The following PCSK5 variants were observed in gnomAD, a reference collection of about 807,000 sequenced individuals.
PCSK5 encodes prohormone convertase 5.
A neutral mutation model predicts 233.2 loss-of-function variants in PCSK5; 129 were observed. That is an observed-to-expected ratio of 0.55 (90% CI 0.48 to 0.64). The LOEUF is 0.64. Among genes scored for constraint, PCSK5 ranks in the 30% least tolerant of loss-of-function variants. PCSK5 has a pLI of 0.00. For synonymous variants in PCSK5, 825 were observed against 879.2 expected, an observed-to-expected ratio of 0.94 and a Z score of 1.09; for missense variants, 2,076 against 2,430.1, an observed-to-expected ratio of 0.85 and a Z score of 3.06.
chr9:75,969,195 G>C (rs976172008), intron 2 of PCSK5, among the ~76,000 whole-genome samples: 1 of 152,202 alleles, frequency 6.6e-6, no homozygotes, highest in Admixed American at 6.5e-5. Flanking sequence ...AAGTGATCTG[G>C]ATGCCAGTTC....
Position 76,296,942 on chromosome 9 carries a change from T to G in PCSK5, c.3523+77T>G, listed in dbSNP as rs1432828709. On this transcript the variant is annotated intron_variant, in intron 27 of 37. Transcript: ENST00000674117. ...TCCCTCCTTCTATAACTCTGGTTTT[T>G]TTAGTTATCCAGGAGAGAAAGGCTG... 18 of 941,610 alleles carry G rather than the reference T, an allele frequency of 1.9e-5. No homozygotes were observed. The Admixed American group carries it at 3.7e-4, about 19-fold the overall frequency. The allele number at this position is 941,610 out of a possible 1,614,324, so 58.3% of individuals were successfully genotyped here.
chr9:76,340,344 C>A (rs956431653), intron 35 of PCSK5, among the ~76,000 whole-genome samples: 2 of 151,998 alleles, frequency 1.3e-5, no homozygotes, highest in Non-Finnish European at 2.9e-5. Flanking sequence ...AAAAAATGTT[C>A]AGCTATAAGA....
At chr9:76,137,196 T>C (rs1175489282) in intron 10 of PCSK5, among the ~76,000 whole-genome samples, 1 of 152,126 alleles carries the variant, frequency 6.6e-6, no homozygotes, top group Non-Finnish European at 1.5e-5. Context: ...GAAGTTGGCC[T>C]TGAACAACTA....
chr9:76,020,716 C>T (rs530935612), intron 3 of PCSK5, among the ~76,000 whole-genome samples: 16 of 152,316 alleles, frequency 1.1e-4, no homozygotes, highest in Admixed American at 7.2e-4. Context: ...ACTTTTAACA[C>T]GCATGTTTTC....
intron 3 of PCSK5, among the ~76,000 whole-genome samples, chr9:75,992,648 T>C (rs140640459): frequency 6.6e-6 from 1 of 152,206 alleles, no homozygotes; most frequent in Non-Finnish European, 1.5e-5. Flanking sequence ...TCAGAAGTGT[T>C]TCTATTTGAC....
intron 12 of PCSK5, among the ~76,000 whole-genome samples, chr9:76,159,642 T>A (rs1404195519): frequency 6.6e-6 from 1 of 152,156 alleles, no homozygotes; most frequent in East Asian, 1.9e-4. Flanking sequence ...GTAAGCCAGG[T>A]CTTTATCCCA....
intron 9 of PCSK5, among the ~76,000 whole-genome samples, chr9:76,129,302 G>A (rs1286890522): frequency 9.2e-5 from 14 of 152,102 alleles, no homozygotes; most frequent in Non-Finnish European, 2.9e-5. Flanking sequence ...GTTTCATCTT[G>A]AATTGGTTTT....
At chr9:75,934,050 C>A (rs1564092086) in intron 2 of PCSK5, among the ~76,000 whole-genome samples, 1 of 152,136 alleles carries the variant, frequency 6.6e-6, no homozygotes, top group Non-Finnish European at 1.5e-5. Context: ...CTTGGGGCAT[C>A]TTGGTGTTTA....
chr9:76,150,365 G>GC (rs1275033422), intron 10 of PCSK5, among the ~76,000 whole-genome samples: 1 of 152,188 alleles, frequency 6.6e-6, no homozygotes, highest in Admixed American at 6.5e-5. Flanking sequence ...CGGGCGCAGT[G>GC]GCTCACACCT....
chr9:76,351,622 G>A (rs1485921618), intron 36 of PCSK5, among the ~76,000 whole-genome samples: 11 of 134,224 alleles, frequency 8.2e-5, no homozygotes, highest in Non-Finnish European at 9.6e-5. Flanking sequence ...AAAAGAAAGA[G>A]AAAGAAAGAG....
chr9:76,200,885 C>A (rs546771676), intron 20 of PCSK5, among the ~76,000 whole-genome samples: 1 of 152,146 alleles, frequency 6.6e-6, no homozygotes, highest in Non-Finnish European at 1.5e-5. Flanking sequence ...TGTCATCAAC[C>A]CTCTTTTCAG....
intron 20 of PCSK5, chr9:76,209,406 T>G (rs1261314238): frequency 5.0e-6 from 2 of 403,902 alleles, no homozygotes; most frequent in Non-Finnish European, 9.9e-6. Flanking sequence ...AATTTACTAG[T>G]TTACTTTATA....
intron 13 of PCSK5, among the ~76,000 whole-genome samples, chr9:76,171,788 C>T (rs1383639144): frequency 1.3e-5 from 2 of 152,158 alleles, no homozygotes; most frequent in Non-Finnish European, 2.9e-5. Flanking sequence ...CTTTTTACGC[C>T]AGACGAGAGA....
intron 10 of PCSK5, among the ~76,000 whole-genome samples, chr9:76,153,146 A>G (rs1018609365): frequency 2.6e-5 from 4 of 152,236 alleles, no homozygotes; most frequent in African/African-American, 9.6e-5. Context: ...TGAACTCTAA[A>G]GGAACAGATA....
intron 12 of PCSK5, among the ~76,000 whole-genome samples, chr9:76,167,711 G>A (rs1438307124): frequency 6.6e-6 from 1 of 152,138 alleles, no homozygotes; most frequent in Non-Finnish European, 1.5e-5. Context: ...ATGTTTAGAA[G>A]GGCACATTTT....
chr9:75,891,069 C>T lies in PCSK5; in HGVS notation c.-113C>T. ...CCTGCCGATCGCCCGGGGCTGCGAG[C>T]TGCGGCGGCCCGGGGCTGCTCGCCG... On this transcript the variant is annotated 5_prime_UTR_variant, in exon 1 of 38. Transcript: ENST00000674117. 1.0e-6 allele frequency: 1 copy of T among 1,004,994 alleles called. No individual in the cohort carries two copies. Among genetic ancestry groups the T allele is most frequent in the Non-Finnish European group, 1.3e-6 (1 of 753,020 alleles). 62.3% of individuals were successfully genotyped at this position (1,004,994 alleles called of 1,614,324 possible). A position where few individuals can be genotyped will look rare whatever the true frequency, so the allele number is the denominator to read the frequency against.
intron 2 of PCSK5, among the ~76,000 whole-genome samples, chr9:75,942,054 G>C (rs1042007810): frequency 6.6e-6 from 1 of 152,214 alleles, no homozygotes; most frequent in African/African-American, 2.4e-5. Flanking sequence ...CACGTGCCTT[G>C]AGTGGTAGTG....
chr9:75,954,657 A>G (rs553436329), intron 2 of PCSK5, among the ~76,000 whole-genome samples: 264 of 152,264 alleles, frequency 1.7e-3, no homozygotes, highest in Middle Eastern at 0.017. Context: ...GGCTACATGG[A>G]TCAAGTGGAT....
rs181553271 is a variant in PCSK5 at position 76,233,487 on chromosome 9, G to T, written c.2757G>T (p.Ser919=). The stretch of plus-strand genomic sequence containing the variant: ...TTTTTGATGATGGCCGCTGTGTTTC[G>T]AACTGCCCCTCATGGAAATTTGAAT... ...TRIFDDGRCV[S]NCPSWKFEFE... is the part of the protein sequence containing the mutation. Residue 919 remains serine, a synonymous_variant, in exon 22 of 38, where the codon TCG becomes TCT. Coordinates refer to ENST00000674117, the MANE Select transcript of PCSK5 (RefSeq NM_001372043.1). 2.5e-6 allele frequency: 4 copies of T among 1,612,674 alleles called. No individual in the cohort carries two copies. The highest frequency in any genetic ancestry group is 1.1e-5 in the South Asian group (1 of 91,070).
Sources: gnomAD v4.1 joint callset for allele counts (sites outside exome capture counted in the v4.1 genomes callset) on GRCh38, gnomAD v4.1.1 for gene constraint, MANE v1.5 for transcripts, NCBI Gene and HGNC (gene_info 2026-07-23, HGNC 2026-07-21) for gene names.